SLC24A2: variants seen among roughly 807,000 people sequenced by gnomAD.
The protein encoded by SLC24A2 is solute carrier family 24 member 2.
SLC24A2 carries 36 observed loss-of-function variants against 62.0 expected under a neutral mutation model. The ratio of observed to expected loss-of-function variants is 0.58; its 90% confidence interval spans 0.44 to 0.77. SLC24A2 has a LOEUF of 0.77. Ranked by LOEUF, SLC24A2 falls within the 30% of genes least tolerant of loss-of-function variation. The probability of loss-of-function intolerance (pLI) is 0.00; values close to 1 mark genes in which losing one functional copy is unlikely to be tolerated. For missense variants in SLC24A2, 846 were observed against 817.9 expected (o/e 1.03, Z -0.42); for synonymous variants, 358 against 294.0 (o/e 1.22, Z -2.23).
At chr9:19,619,800 A>G (rs2117893756) in intron 3 of SLC24A2, 108 bp from the exon 4 acceptor site, 1 of 835,876 alleles carries the variant, frequency 1.2e-6, no homozygotes, top group South Asian at 1.4e-5. Flanking sequence ...TCGCATGATC[A>G]CACAGTATTG....
chr9:19,704,760 T>C (rs1820460201), intron 2 of SLC24A2, among the ~76,000 whole-genome samples: 1 of 151,790 alleles, frequency 6.6e-6, no homozygotes, highest in Non-Finnish European at 1.5e-5. Flanking sequence ...GTAACCTTCA[T>C]GTCCCTAGTG....
At chr9:19,816,258 A>C in the SLC24A2 span, among the ~76,000 whole-genome samples, 1 of 151,906 alleles carries the variant, frequency 6.6e-6, no homozygotes, top group African/African-American at 2.4e-5. Context: ...TTGTTACTCC[A>C]CTATCCCCTA....
At chr9:19,991,709 G>A in the SLC24A2 span, among the ~76,000 whole-genome samples, 1 of 152,164 alleles carries the variant, frequency 6.6e-6, no homozygotes, top group Admixed American at 6.6e-5. Context: ...TTCACTCATT[G>A]TATGGGCAAT....
chr9:19,965,382 G>C, the SLC24A2 span, among the ~76,000 whole-genome samples: 6 of 152,190 alleles, frequency 3.9e-5, no homozygotes, highest in Admixed American at 3.9e-4. Context: ...TCTTGTGGTG[G>C]TTAAAAGTAT....
At chr9:20,041,900 T>C in the SLC24A2 span, among the ~76,000 whole-genome samples, 3 of 152,254 alleles carry the variant, frequency 2.0e-5, no homozygotes, top group African/African-American at 7.2e-5. Flanking sequence ...CCAGAAGCAC[T>C]TGACAGGTAG....
At chr9:20,012,451 A>T in the SLC24A2 span, among the ~76,000 whole-genome samples, 1 of 152,214 alleles carries the variant, frequency 6.6e-6, no homozygotes, top group Non-Finnish European at 1.5e-5. Context: ...GTGGGAATTC[A>T]AAATGAAATG....
chr9:19,771,309 T>A (rs750767565), intron 2 of SLC24A2, among the ~76,000 whole-genome samples: 2 of 152,208 alleles, frequency 1.3e-5, no homozygotes, highest in African/African-American at 2.4e-5. Flanking sequence ...TCTTGTCCTG[T>A]TCTATTTATT....
chr9:20,261,517 A>G, the SLC24A2 span, among the ~76,000 whole-genome samples: 1 of 152,066 alleles, frequency 6.6e-6, no homozygotes, highest in Non-Finnish European at 1.5e-5. Flanking sequence ...TCATCCATTC[A>G]TGAGGGCGCC....
the SLC24A2 span, among the ~76,000 whole-genome samples, chr9:20,214,824 T>C: frequency 4.6e-5 from 7 of 152,104 alleles, no homozygotes; most frequent in African/African-American, 1.2e-4. Flanking sequence ...GCTTCTCACA[T>C]AAATGTAACT....
chr9:20,224,124 G>T, the SLC24A2 span, among the ~76,000 whole-genome samples: 1 of 151,982 alleles, frequency 6.6e-6, no homozygotes, highest in Non-Finnish European at 1.5e-5. Flanking sequence ...GACACATGGG[G>T]ATTACAATTC....
chr9:19,556,088 G>A (rs1278391216), intron 7 of SLC24A2, among the ~76,000 whole-genome samples: 1 of 152,186 alleles, frequency 6.6e-6, no homozygotes, highest in East Asian at 1.9e-4. Flanking sequence ...CAGCACAGAA[G>A]ACGAGTTTCA....
intron 8 of SLC24A2, among the ~76,000 whole-genome samples, chr9:19,529,670 T>G (rs923249995): frequency 1.3e-4 from 19 of 151,434 alleles, no homozygotes; most frequent in Admixed American, 7.9e-4. Flanking sequence ...CTCAGACCCC[T>G]CCTAGGGACC....
chr9:19,885,714 C>T, the SLC24A2 span, among the ~76,000 whole-genome samples: 1 of 151,912 alleles, frequency 6.6e-6, no homozygotes, highest in African/African-American at 2.4e-5. Flanking sequence ...AGCATAGTAC[C>T]CGATAGGTAT....
At chr9:20,307,843 G>A in the SLC24A2 span, among the ~76,000 whole-genome samples, 53 of 152,212 alleles carry the variant, frequency 3.5e-4, no homozygotes, top group African/African-American at 1.2e-3. Flanking sequence ...AGGGACCGCG[G>A]CTCTCTTTGC....
chr9:19,711,927 A>G (rs1005378587), intron 2 of SLC24A2, among the ~76,000 whole-genome samples: 10 of 152,196 alleles, frequency 6.6e-5, no homozygotes, highest in African/African-American at 9.6e-5. Flanking sequence ...AGGATCCCCT[A>G]TGAACCATTA....
the SLC24A2 span, among the ~76,000 whole-genome samples, chr9:20,117,156 T>G: frequency 2.0e-5 from 3 of 152,154 alleles, no homozygotes; most frequent in South Asian, 4.1e-4. Flanking sequence ...CCTTCCCTTG[T>G]AAGCAGGTGT....
chr9:19,894,230 T>C, the SLC24A2 span, among the ~76,000 whole-genome samples: 2 of 152,298 alleles, frequency 1.3e-5, no homozygotes, highest in African/African-American at 4.8e-5. Context: ...ACACTGCTTC[T>C]TGAGCACCTT....
chr9:19,653,689 C>A (rs1818863290), intron 2 of SLC24A2, among the ~76,000 whole-genome samples: 1 of 152,124 alleles, frequency 6.6e-6, no homozygotes, highest in African/African-American at 2.4e-5. Flanking sequence ...CGTTGTCATT[C>A]ATCTATCATC....
At chr9:20,021,285 G>C in the SLC24A2 span, among the ~76,000 whole-genome samples, 1,471 of 152,050 alleles carry the variant, frequency 9.7e-3, 22 homozygotes, top group African/African-American at 0.032. Flanking sequence ...CTTAAAAGTA[G>C]TGAGTTGTGC....
Sources: allele counts gnomAD v4.1 joint callset (sites outside exome capture counted in the v4.1 genomes callset), GRCh38; gene constraint gnomAD v4.1.1; transcripts MANE v1.5; gene names NCBI Gene and HGNC (gene_info 2026-07-23, HGNC 2026-07-21).